CTSH: variants seen among roughly 807,000 people sequenced by gnomAD.
The protein encoded by CTSH is cathepsin H.
CTSH carries 52 observed loss-of-function variants against 56.3 expected under a neutral mutation model. The ratio of observed to expected loss-of-function variants is 0.92; its 90% confidence interval spans 0.74 to 1.16. The LOEUF is 1.16. CTSH is among the 50% of genes most tolerant of loss of function. CTSH has a pLI of 0.00. For synonymous variants in CTSH, 174 were observed against 155.7 expected (o/e 1.12, Z -0.88); for missense variants, 406 against 424.5 (o/e 0.96, Z 0.38).
intron 2 of CTSH, 130 bp downstream of exon 2, chr15:78,939,010 T>TTC: frequency 1.2e-6 from 1 of 813,416 alleles, no homozygotes; most frequent in Non-Finnish European, 2.0e-6. Flanking sequence ...CCAGTTCAAC[T>TTC]TCTGGAAAGA....
At chr15:78,928,919 TAAAG>T (rs2054983262) in intron 8 of CTSH, among the ~76,000 whole-genome samples, 7 of 148,566 alleles carry the variant, frequency 4.7e-5, no homozygotes, top group Admixed American at 4.1e-4. Context: ...CGAGGGGAAA[TAAAG>T]GAGGAGCAAC....
intron 11 of CTSH, 87 bp downstream of exon 11, chr15:78,922,906 G>T (rs1404244201): frequency 6.7e-7 from 1 of 1,487,160 alleles, no homozygotes; most frequent in African/African-American, 1.4e-5. Flanking sequence ...TGTGGAAGCC[G>T]TAACTCTGAG....
At chr15:78,943,062 G>A (rs1317597603) in intron 1 of CTSH, among the ~76,000 whole-genome samples, 1 of 152,148 alleles carries the variant, frequency 6.6e-6, no homozygotes, top group Non-Finnish European at 1.5e-5. Context: ...AAGAGTTGGA[G>A]GCAGGGTTTG....
intron 5 of CTSH, chr15:78,933,677 G>A: frequency 3.2e-6 from 1 of 313,694 alleles, no homozygotes; most frequent in South Asian, 2.5e-5. Context: ...TGACCCTTGG[G>A]TGCTCGACTT....
rs770661166 is a variant in CTSH at position 78,937,420 on chromosome 15, G to C, written c.127C>G (p.Arg43Gly). ...TACTCCTCCGTACTGTAGGTCTTACGGTGCTAAAACAAAACACGCCAGTAG... is the reference window on the plus strand; with the variant it reads ...TACTCCTCCGTACTGTAGGTCTTACCGTGCTAAAACAAAACACGCCAGTAG... ...FHFKSWMSKHRKTYSTEEYHH... is the reference protein window; with the variant it reads ...FHFKSWMSKHGKTYSTEEYHH... The change falls in exon 3 of 12, where the codon CGT becomes GGT. Residue 43 changes from arginine to glycine, a missense_variant. Arg to Gly is a moderately radical substitution (Grantham distance 125, BLOSUM62 -2). Transcript: ENST00000220166. The C allele has an allele frequency of 1.2e-6, 2 of 1,613,764 alleles. No individual in the cohort carries two copies. Among genetic ancestry groups the C allele is most frequent in the Non-Finnish European group, 1.7e-6 (2 of 1,179,700 alleles).
intron 9 of CTSH, chr15:78,926,652 C>T (rs3784537): frequency 0.1 from 15,333 of 152,222 alleles, 838 homozygotes; most frequent in East Asian, 0.26. Flanking sequence ...ACAGGATTTG[C>T]GCTGTATGTT....
chr15:78,930,577 A>G (rs2055033573), intron 7 of CTSH, among the ~76,000 whole-genome samples: 1 of 151,978 alleles, frequency 6.6e-6, no homozygotes, highest in African/African-American at 2.4e-5. Flanking sequence ...AATAAAAAAT[A>G]AAAACGGTGG....
intron 1 of CTSH, among the ~76,000 whole-genome samples, chr15:78,940,070 C>T (rs771503780): frequency 1.3e-5 from 2 of 152,186 alleles, no homozygotes; most frequent in Non-Finnish European, 2.9e-5. Flanking sequence ...GGACTGCGTT[C>T]CCGCAAGACT....
Position 78,931,907 on chromosome 15 carries a change from G to A in CTSH, c.493-401C>T, listed in dbSNP as rs71409206. On this transcript the variant is annotated intron_variant, in intron 6 of 11. Coordinates refer to ENST00000220166, the MANE Select transcript of CTSH (RefSeq NM_004390.5). Reference sequence around the variant, plus strand: ...AGGGTCCTCATGGCATCACCAGGCCGGCTGTGCACTGTCCCTCCTTTCTCC... The same window carrying A: ...AGGGTCCTCATGGCATCACCAGGCCAGCTGTGCACTGTCCCTCCTTTCTCC... 1.9e-3 allele frequency: 2,303 copies of A among 1,201,112 alleles called. 2 individuals carry two copies. Among genetic ancestry groups the A allele is most frequent in the Non-Finnish European group, 2.3e-3 (2,194 of 954,902 alleles). The allele number at this position is 1,201,112 out of a possible 1,614,324, so 74.4% of individuals were successfully genotyped here.
rs1252929826 is a variant in CTSH, at chr15:78,937,391, G to T, written c.156C>A (p.His52Gln). The T allele has an allele frequency of 1.9e-6, 3 of 1,614,174 alleles. No homozygotes were observed. Among genetic ancestry groups the T allele is most frequent in the South Asian group, 1.1e-5 (1 of 91,080 alleles). ...HRKTYSTEEYHHRLQTFASNW... is the reference protein window; with the variant it reads ...HRKTYSTEEYQHRLQTFASNW... The stretch of plus-strand genomic sequence containing the variant: ...TGCTGGCAAACGTCTGCAGCCTGTG[G>T]TGGTACTCCTCCGTACTGTAGGTCT... Residue 52 changes from histidine to glutamine, a missense_variant, in exon 3 of 12, where the codon CAC becomes CAA. Physicochemically the swap from His to Gln is conservative, Grantham distance 24. Coordinates refer to ENST00000220166, the MANE Select transcript of CTSH (RefSeq NM_004390.5).
In CTSH at chr15:78,929,420, G is replaced by A. The variant is rs2054996849; in HGVS notation, c.622C>T (p.Gln208Ter). Residue 208 changes from glutamine (Q) to a stop codon, truncating the protein, a stop_gained, in exon 8 of 12, where the codon CAG (glutamine) becomes TAG (stop). Transcript: ENST00000220166. LOFTEE classifies it high-confidence loss of function. ...GAGGCTGTTGGAGTTACCTTGCCCT[G>A]GTAGGGGTAGGTGTCTTCACCCATG... ...GIMGEDTYPY[Q>*]GKDGYCKFQP... The A allele has an allele frequency of 6.2e-7, 1 of 1,612,060 alleles. No individual in the cohort carries two copies. The highest frequency in any genetic ancestry group is 8.5e-7 in the Non-Finnish European group (1 of 1,178,694).
intron 8 of CTSH, among the ~76,000 whole-genome samples, chr15:78,928,914 G>A (rs2054982884): frequency 6.6e-6 from 1 of 152,140 alleles, no homozygotes; most frequent in Admixed American, 6.5e-5. Context: ...CACCACGAGG[G>A]GAAATAAAGG....
At chr15:78,929,761 C>T (rs1253433589) in intron 7 of CTSH, among the ~76,000 whole-genome samples, 2 of 152,176 alleles carry the variant, frequency 1.3e-5, no homozygotes, top group African/African-American at 4.8e-5. Context: ...GAGTGCACAG[C>T]CCCACACCAT....
At chr15:78,935,565 C>T in intron 4 of CTSH, 115 bp downstream of exon 4, 1 of 816,448 alleles carries the variant, frequency 1.2e-6, no homozygotes, top group Non-Finnish European at 2.0e-6. Flanking sequence ...CTGGGGATAC[C>T]CTCAGCTGCA....
rs2055361932 is a variant in CTSH at position 78,944,801 on chromosome 15, T to C, written c.91+90A>G. 3 of 1,447,288 alleles carry C rather than the reference T, an allele frequency of 2.1e-6. No homozygotes were observed. The African/African-American group carries it at 4.4e-5, about 21-fold the overall frequency. 89.7% of individuals were successfully genotyped at this position (1,447,288 alleles called of 1,614,324 possible). ...ACCGGGGAAAGCTCTGCCCCGTTCC[T>C]CCGGAGCCCAGTGCGCCCCTGGCCA... On this transcript the variant is annotated intron_variant, in intron 1 of 11. Transcript: ENST00000220166.
chr15:78,933,058 C>G (rs1424925922), intron 5 of CTSH, among the ~76,000 whole-genome samples: 2 of 152,198 alleles, frequency 1.3e-5, no homozygotes, highest in African/African-American at 4.8e-5. Context: ...CCCAGACACC[C>G]CTGACACCCC....
intron 5 of CTSH, 51 bp downstream of exon 5, chr15:78,934,927 T>C (rs1264289963): frequency 8.5e-7 from 1 of 1,169,882 alleles, no homozygotes; most frequent in African/African-American, 1.5e-5. Context: ...TGGTGTATTG[T>C]CTGGGAGTGT....
intron 2 of CTSH, 84 bp from the exon 3 acceptor site, chr15:78,937,507 A>G: frequency 7.1e-7 from 1 of 1,403,868 alleles, no homozygotes. Context: ...CTAAGAGGAA[A>G]GATGAAGGTT....
At chr15:78,922,965 C>T in intron 11 of CTSH, 28 bp downstream of exon 11, 2 of 1,594,206 alleles carry the variant, frequency 1.3e-6, no homozygotes, top group Non-Finnish European at 1.7e-6. Flanking sequence ...CATCCCCCTC[C>T]CAGAAGTGGG....
Sources: gnomAD v4.1 joint callset for allele counts (sites outside exome capture counted in the v4.1 genomes callset) on GRCh38, gnomAD v4.1.1 for gene constraint, MANE v1.5 for transcripts, NCBI Gene and HGNC (gene_info 2026-07-23, HGNC 2026-07-21) for gene names.